TPP2: variants seen among roughly 807,000 people sequenced by gnomAD.
The protein encoded by TPP2 is tripeptidyl-peptidase 2.
A neutral mutation model predicts 155.9 loss-of-function variants in TPP2; 34 were observed. That is an observed-to-expected ratio of 0.22 (90% CI 0.17 to 0.29). TPP2 has a LOEUF of 0.29. Ranked by LOEUF, TPP2 falls within the 10% of genes least tolerant of loss-of-function variation. TPP2 has a pLI of 1.00. For synonymous variants in TPP2, 510 were observed against 529.4 expected, an observed-to-expected ratio of 0.96 and a Z score of 0.50; for missense variants, 1,028 against 1,522.3, an observed-to-expected ratio of 0.68 and a Z score of 5.40.
In TPP2 at chr13:102,634,173, CAT is replaced by C. The variant is rs150622445; in HGVS notation, c.1393+76_1393+77del. The C allele has an allele frequency of 1.4e-4, 214 of 1,581,426 alleles. No homozygotes were observed. The Middle Eastern group carries it at 1.7e-3, about 12-fold the overall frequency. Reference sequence around the variant, plus strand: ...TTTTCTGAAGCTCTCATGGTAAGAACATGTGGTAGAATTGATAATTCCCTGGG... The same window carrying C: ...TTTTCTGAAGCTCTCATGGTAAGAACGTGGTAGAATTGATAATTCCCTGGG... On this transcript the variant is annotated intron_variant, in intron 11 of 29. Transcript: ENST00000376052.
At chr13:102,636,983 C>T (rs1044624061) in intron 13 of TPP2, 99 bp from the exon 14 acceptor site, 1 of 1,314,392 alleles carries the variant, frequency 7.6e-7, no homozygotes, top group Admixed American at 2.8e-5. Context: ...TACAGCCAAC[C>T]AAACCAAGTC....
chr13:102,637,001 T>C (rs1782196620), intron 13 of TPP2, 81 bp from the exon 14 acceptor site: 1 of 1,471,170 alleles, frequency 6.8e-7, no homozygotes, highest in Non-Finnish European at 9.0e-7. Flanking sequence ...GTCGCTAAAT[T>C]TTTTTGGAAA....
intron 5 of TPP2, among the ~76,000 whole-genome samples, chr13:102,619,535 A>C (rs1317499349): frequency 6.6e-6 from 1 of 152,184 alleles, no homozygotes; most frequent in East Asian, 1.9e-4. Context: ...TTGCATCACA[A>C]GGTGGGGCAC....
chr13:102,674,170 A>G (rs1051566431), intron 27 of TPP2, 113 bp from the exon 28 acceptor site: 53 of 1,125,906 alleles, frequency 4.7e-5, no homozygotes, highest in Non-Finnish European at 3.6e-5. Flanking sequence ...GATATACAGT[A>G]TTTCTGCATT....
intron 14 of TPP2, 131 bp from the exon 15 acceptor site, chr13:102,638,108 A>G (rs1882504442): frequency 5.2e-6 from 4 of 766,238 alleles, no homozygotes; most frequent in Non-Finnish European, 8.6e-6. Context: ...AGTGTCAGGA[A>G]ATTGGTGTCA....
Position 102,664,879 on chromosome 13 carries a change from A to G in TPP2, c.3325A>G (p.Ile1109Val). The G allele has an allele frequency of 6.2e-7, 1 of 1,613,884 alleles. No homozygotes were observed. The highest frequency in any genetic ancestry group is 8.5e-7 in the Non-Finnish European group (1 of 1,179,868). Residue 1109 changes from isoleucine to valine, a missense_variant, in exon 27 of 30, where the codon ATT becomes GTT. Around this residue, in one of 7 missense-constraint regions of TPP2, gnomAD observed 116 missense variants for 117.3 expected, o/e 0.99. Transcript: ENST00000376052. ...AGATCAAACAGCCCTAGCAGTTTAT[A>G]TTGCAATGAAGACTGATCCCAGGCC... ...HIDQTALAVYIAMKTDPRPDA... is the reference protein window; with the variant it reads ...HIDQTALAVYVAMKTDPRPDA...
intron 25 of TPP2, among the ~76,000 whole-genome samples, chr13:102,661,328 G>A (rs546202265): frequency 7.0e-6 from 1 of 142,322 alleles, no homozygotes; most frequent in East Asian, 2.1e-4. Context: ...ATAGCTCACT[G>A]CAGCCTTGAA....
Position 102,648,981 on chromosome 13 carries a change from A to G in TPP2, c.2703A>G (p.Glu901=), listed in dbSNP as rs753066772. ...QIRHEQISDL[E]RLKDLPFIVS... is the part of the protein sequence containing the mutation. ...GCCATGAGCAAATCAGTGATTTGGA[A>G]CGCCTTAAAGACCTTCCATTTATTG... Residue 901 remains glutamate (E), a synonymous_variant, in exon 22 of 30, where the codon GAA becomes GAG. Transcript: ENST00000376052. 2 of 1,613,686 alleles carry G rather than the reference A, an allele frequency of 1.2e-6. No homozygotes were observed. The highest frequency in any genetic ancestry group is 1.3e-5 in the African/African-American group (1 of 74,932).
intron 1 of TPP2, among the ~76,000 whole-genome samples, chr13:102,599,310 T>C (rs1879246632): frequency 6.6e-6 from 1 of 152,256 alleles, no homozygotes; most frequent in Admixed American, 6.5e-5. Context: ...GTCTTCTCTT[T>C]TAACAACCTT....
Position 102,643,286 on chromosome 13 carries a change from T to G in TPP2, c.2085T>G (p.Leu695=). Reference sequence around the variant, plus strand: ...AGTTTGTTCTACATGCAGTCCAGCTTGTGAAGCAAAGAGCATATCGAAGCC... The same window carrying G: ...AGTTTGTTCTACATGCAGTCCAGCTGGTGAAGCAAAGAGCATATCGAAGCC... ...SAKFVLHAVQ[L]VKQRAYRSHE... The change falls in exon 17 of 30, where the codon CTT becomes CTG. Residue 695 remains leucine (L), a synonymous_variant. Transcript: ENST00000376052. The G allele has an allele frequency of 6.2e-7, 1 of 1,612,724 alleles. No homozygotes were observed. Among genetic ancestry groups the G allele is most frequent in the Non-Finnish European group, 8.5e-7 (1 of 1,179,460 alleles).
intron 23 of TPP2, among the ~76,000 whole-genome samples, chr13:102,650,170 G>C (rs191493662): frequency 2.8e-4 from 42 of 152,048 alleles, no homozygotes; most frequent in African/African-American, 9.9e-4. Context: ...TTTATTATGA[G>C]AATGATGTTT....
chr13:102,621,068 A>C (rs1453051833), intron 5 of TPP2, among the ~76,000 whole-genome samples: 1 of 152,200 alleles, frequency 6.6e-6, no homozygotes, highest in Non-Finnish European at 1.5e-5. Flanking sequence ...AATTCAGTCA[A>C]CTAGACCTTC....
Position 102,655,764 on chromosome 13 carries a change from C to A in TPP2, c.2992-1292C>A, listed in dbSNP as rs553585212. On this transcript the variant is annotated intron_variant, in intron 24 of 29. Coordinates refer to ENST00000376052, the MANE Select transcript of TPP2 (RefSeq NM_001330588.2). ...GTTCTTGTCCGGGGGGGTCAGTAGG[C>A]TCTGTGCTGCCGGGTTTTCAGTTCC... Among the ~76,000 whole-genome samples the A allele has an allele frequency of 2.0e-5, 3 of 152,202 alleles. No homozygotes were observed. The South Asian group carries it at 6.2e-4, about 32-fold the overall frequency.
chr13:102,677,032 G>A (rs563030308), intron 29 of TPP2, among the ~76,000 whole-genome samples: 90 of 152,286 alleles, frequency 5.9e-4, no homozygotes, highest in Non-Finnish European at 1.1e-3. Flanking sequence ...GGCAAGTCCA[G>A]GTTAATTATA....
In TPP2 at chr13:102,652,405, T is replaced by C. The variant is rs1396851345; in HGVS notation, c.2991+1008T>C. Among the ~76,000 whole-genome samples the C allele has an allele frequency of 0.013, 35 of 2,730 alleles. No homozygotes were observed. In the African/African-American group the frequency reaches 0.17, roughly 13 times the overall value. 1.8% of individuals were successfully genotyped at this position (2,730 alleles called of 152,430 possible). On this transcript the variant is annotated intron_variant, in intron 24 of 29. Transcript: ENST00000376052. ...AAAACAAAACATACATACATATATA[T>C]ATATATATATATATATATATATATA...
At chr13:102,607,774 A>G (rs2052225398) in intron 2 of TPP2, 1 of 336,198 alleles carries the variant, frequency 3.0e-6, no homozygotes, top group South Asian at 2.1e-5. Context: ...TGTTTTTAGT[A>G]GAGATGGAAT....
At chr13:102,667,063 T>C (rs1884655350) in intron 27 of TPP2, among the ~76,000 whole-genome samples, 1 of 152,188 alleles carries the variant, frequency 6.6e-6, no homozygotes, top group Admixed American at 6.5e-5. Context: ...TTATACAAGA[T>C]GCTATCAGGA....
intron 29 of TPP2, among the ~76,000 whole-genome samples, chr13:102,677,528 C>A (rs1431583885): frequency 6.6e-6 from 1 of 152,172 alleles, no homozygotes; most frequent in African/African-American, 2.4e-5. Flanking sequence ...ATCACACTTG[C>A]CCATACAAAC....
intron 29 of TPP2, among the ~76,000 whole-genome samples, chr13:102,677,049 A>G (rs1172042026): frequency 6.6e-6 from 1 of 152,188 alleles, no homozygotes; most frequent in African/African-American, 2.4e-5. Context: ...TATACTTTAT[A>G]TGTAAGGTAC....
Sources: gnomAD v4.1 joint callset for allele counts (sites outside exome capture counted in the v4.1 genomes callset) on GRCh38, gnomAD v4.1.1 for gene constraint, gnomAD v4.1.1 regional missense constraint, MANE v1.5 for transcripts, NCBI Gene and HGNC (gene_info 2026-07-23, HGNC 2026-07-21) for gene names.